The following NPHP4 variants were observed in gnomAD, a reference collection of about 807,000 sequenced individuals.
The protein encoded by NPHP4 is nephrocystin-4.
A neutral mutation model predicts 155.8 loss-of-function variants in NPHP4; 151 were observed. The ratio of observed to expected loss-of-function variants is 0.97; its 90% CI spans 0.85 to 1.11. NPHP4 has a LOEUF of 1.11. NPHP4 is among the 50% of genes least tolerant of loss of function. NPHP4 has a pLI of 0.00. For synonymous variants in NPHP4, 845 were observed against 816.8 expected, an observed-to-expected ratio of 1.03 and a Z score of -0.59; for missense variants, 1,956 against 1,925.7, an observed-to-expected ratio of 1.02 and a Z score of -0.29.
rs1457581914 is a variant in NPHP4 at position 5,992,250 on chromosome 1, G to C, written c.-45C>G. ...CCGCCGCGGGCCGCGTTACCTAGGA[G>C]ACCGACCCGCCGCGGCCGCGCCGGA... On this transcript the variant is annotated 5_prime_UTR_variant, in exon 1 of 30. Transcript: ENST00000378156. 2 of 152,206 alleles carry C rather than the reference G, an allele frequency of 1.3e-5. No homozygotes were observed. Among genetic ancestry groups the C allele is most frequent in the East Asian group, 3.9e-4 (2 of 5,118 alleles). 9.4% of individuals were successfully genotyped at this position (152,206 alleles called of 1,614,324 possible).
rs1322329392 is a variant in NPHP4, at chr1:5,866,461, G to T, written c.3559-3C>A. The T allele has an allele frequency of 6.3e-7, 1 of 1,575,916 alleles. No individual in the cohort carries two copies. The highest frequency in any genetic ancestry group is 8.7e-7 in the Non-Finnish European group (1 of 1,153,884). On this transcript the variant is annotated splice_region_variant and splice_polypyrimidine_tract_variant and intron_variant, in intron 25 of 29. Coordinates refer to ENST00000378156, the MANE Select transcript of NPHP4 (RefSeq NM_015102.5). The stretch of plus-strand genomic sequence containing the variant: ...ATGTCCCGTGGTTCCCCGGGGCCCT[G>T]CCAACCAGATGTGCAGCACATCAGG...
intron 1 of NPHP4, among the ~76,000 whole-genome samples, chr1:5,988,333 A>G (rs1655778922): frequency 6.6e-6 from 1 of 152,236 alleles, no homozygotes; most frequent in Non-Finnish European, 1.5e-5. Flanking sequence ...CCAAGGCAAC[A>G]CAAGGCAACA....
intron 11 of NPHP4, among the ~76,000 whole-genome samples, chr1:5,919,961 C>G: frequency 6.6e-6 from 1 of 152,144 alleles, no homozygotes; most frequent in East Asian, 1.9e-4. Flanking sequence ...GAGACAGAGT[C>G]TCACTCTATC....
chr1:5,901,279 C>A (rs1047656893), intron 16 of NPHP4, among the ~76,000 whole-genome samples: 4 of 152,210 alleles, frequency 2.6e-5, no homozygotes, highest in Non-Finnish European at 5.9e-5. Context: ...CAACAAATAT[C>A]TTTTAAGTGA....
intron 2 of NPHP4, among the ~76,000 whole-genome samples, chr1:5,984,610 G>A (rs1197302045): frequency 6.6e-6 from 1 of 152,082 alleles, no homozygotes; most frequent in African/African-American, 2.4e-5. Flanking sequence ...AATAAATGTA[G>A]GTATATTTAC....
intron 1 of NPHP4, among the ~76,000 whole-genome samples, chr1:5,986,609 G>A (rs1456649002): frequency 2.0e-5 from 3 of 152,156 alleles, no homozygotes; most frequent in African/African-American, 7.2e-5. Flanking sequence ...TGTATCTAGG[G>A]TGATACACCA....
chr1:5,949,077 T>C (rs1352910879), intron 7 of NPHP4, among the ~76,000 whole-genome samples: 1 of 152,170 alleles, frequency 6.6e-6, no homozygotes, highest in African/African-American at 2.4e-5. Flanking sequence ...CCAGTTGGAT[T>C]GGAACAAAAA....
intron 1 of NPHP4, among the ~76,000 whole-genome samples, chr1:5,989,859 G>A (rs1557902580): frequency 6.6e-6 from 1 of 152,190 alleles, no homozygotes. Context: ...CCCTCACAGG[G>A]AGCATGAAGC....
chr1:5,896,825 C>T (rs538008040), intron 16 of NPHP4, among the ~76,000 whole-genome samples: 2 of 152,276 alleles, frequency 1.3e-5, no homozygotes, highest in Non-Finnish European at 2.9e-5. Context: ...GAGCCTGGAA[C>T]CGGCACTGCT....
chr1:5,949,713 T>C (rs1647579661), intron 7 of NPHP4, among the ~76,000 whole-genome samples: 1 of 151,706 alleles, frequency 6.6e-6, no homozygotes, highest in Admixed American at 6.6e-5. Flanking sequence ...GGAAGAACAT[T>C]CAGGAAAGTC....
chr1:5,864,680 G>T (rs943596549), intron 27 of NPHP4, 163 bp from the exon 28 acceptor site: 2 of 598,182 alleles, frequency 3.3e-6, no homozygotes, highest in Non-Finnish European at 5.8e-6. Flanking sequence ...GACTGTGGCC[G>T]CGACTTGGGT....
chr1:5,891,767 C>T (rs1644139601), intron 16 of NPHP4, among the ~76,000 whole-genome samples: 2 of 152,116 alleles, frequency 1.3e-5, no homozygotes, highest in African/African-American at 2.4e-5. Context: ...GAGGAAGGAG[C>T]GAAGGTTTAC....
chr1:5,990,383 AAG>A (rs1656052935), intron 1 of NPHP4, among the ~76,000 whole-genome samples: 1 of 152,156 alleles, frequency 6.6e-6, no homozygotes, highest in Non-Finnish European at 1.5e-5. Flanking sequence ...TCAACAATAA[AAG>A]AGAAAATCGA....
intron 9 of NPHP4, among the ~76,000 whole-genome samples, chr1:5,945,704 G>A (rs1647053331): frequency 6.6e-6 from 1 of 152,306 alleles, no homozygotes; most frequent in South Asian, 2.1e-4. Context: ...AGGCCAGATC[G>A]CCATGGAAGA....
rs749297150 is a variant in NPHP4, at chr1:5,905,426, G to A, written c.1821C>T (p.Pro607=). The change falls in exon 15 of 30, where the codon CCC becomes CCT. Residue 607 remains proline, a synonymous_variant. Transcript: ENST00000378156. The surrounding 1 kb of genome is among the most constrained non-coding windows in gnomAD (Gnocchi z 4.0). ...GCTGTTTATTGGCATCCAGAATCTC[G>A]GGAAAGCCGGAGGACTGCAGGAGCA... ...SMVLLQSSGF[P]EILDANKQPA... 8.1e-6 allele frequency: 13 copies of A among 1,612,274 alleles called. No homozygotes were observed. The highest frequency in any genetic ancestry group is 1.1e-5 in the South Asian group (1 of 91,068).
chr1:5,912,167 C>T (rs12073772), intron 11 of NPHP4, among the ~76,000 whole-genome samples: 3,212 of 152,296 alleles, frequency 0.021, 91 homozygotes, highest in African/African-American at 0.07. Context: ...GCAGATCCTG[C>T]GTGGGGCAGG....
Position 5,862,882 on chromosome 1 carries a change from A to G in NPHP4, c.*383T>C, listed in dbSNP as rs1640792059. On this transcript the variant is annotated 3_prime_UTR_variant, in exon 30 of 30. Coordinates refer to ENST00000378156, the MANE Select transcript of NPHP4 (RefSeq NM_015102.5). ...ATAATACCAGCATAAAATATTGCAT[A>G]GCAAATAATAGATTATGTTTGTACA... 4.4e-6 allele frequency: 1 copy of G among 226,030 alleles called. No individual in the cohort carries two copies. Among genetic ancestry groups the G allele is most frequent in the African/African-American group, 2.2e-5 (1 of 44,806 alleles). 14.0% of individuals were successfully genotyped at this position (226,030 alleles called of 1,614,324 possible).
At chr1:5,909,329 CA>C in intron 11 of NPHP4, 116 bp from the exon 12 acceptor site, 2 of 801,648 alleles carry the variant, frequency 2.5e-6, no homozygotes, top group South Asian at 1.5e-5. Flanking sequence ...TTGTCTGTAA[CA>C]GGGGCAGCCG....
At chr1:5,883,905 C>G (rs553137090) in intron 18 of NPHP4, among the ~76,000 whole-genome samples, 1 of 152,312 alleles carries the variant, frequency 6.6e-6, no homozygotes, top group South Asian at 2.1e-4. Context: ...ATTCTTGGAG[C>G]TCAGACTCGA....
Sources: allele counts gnomAD v4.1 joint callset (sites outside exome capture counted in the v4.1 genomes callset), GRCh38; gene constraint gnomAD v4.1.1; non-coding constraint Gnocchi (gnomAD v3.1); transcripts MANE v1.5; gene names NCBI Gene and HGNC (gene_info 2026-07-23, HGNC 2026-07-21).